TTC23L: variants seen among roughly 807,000 people sequenced by gnomAD.
The protein encoded by TTC23L is tetratricopeptide repeat domain 23 like.
Under a neutral mutation model 48.1 loss-of-function variants are expected in TTC23L, and 42 were observed. The ratio of observed to expected loss-of-function variants is 0.87; its 90% confidence interval spans 0.68 to 1.13. The LOEUF (loss-of-function observed/expected upper bound fraction) is 1.13. Among genes scored for constraint, TTC23L ranks in the 50% most tolerant of loss-of-function variants. TTC23L has a pLI of 0.00. For synonymous variants in TTC23L, 159 were observed against 157.2 expected (o/e 1.01, Z -0.09); for missense variants, 391 against 421.0 (o/e 0.93, Z 0.62).
intron 2 of TTC23L, among the ~76,000 whole-genome samples, chr5:34,841,182 T>G (rs1758638828): frequency 6.6e-6 from 1 of 152,196 alleles, no homozygotes; most frequent in Admixed American, 6.5e-5. Context: ...ATTTTAAAAG[T>G]TTTTAAAATA....
chr5:34,922,150 C>T, the TTC23L span: 1 of 864,986 alleles, frequency 1.2e-6, no homozygotes, highest in East Asian at 2.5e-5. Flanking sequence ...TGATATTAAT[C>T]ACATATAATT....
intron 1 of TTC23L, among the ~76,000 whole-genome samples, chr5:34,840,249 G>GA (rs1758529773): frequency 2.6e-5 from 3 of 117,008 alleles, no homozygotes; most frequent in Admixed American, 8.0e-5. Context: ...GGGGGGGGGG[G>GA]GAAAGCAGAA....
intron 9 of TTC23L, among the ~76,000 whole-genome samples, chr5:34,890,707 A>G (rs775026494): frequency 6.6e-6 from 1 of 152,272 alleles, no homozygotes; most frequent in South Asian, 2.1e-4. Flanking sequence ...TAGAATTTTA[A>G]TCTGGGTCTC....
the TTC23L span, chr5:34,911,510 G>A: frequency 6.3e-7 from 1 of 1,592,042 alleles, no homozygotes; most frequent in East Asian, 2.2e-5. Flanking sequence ...GTGGGAAGAT[G>A]GAGTACAGAC....
At chr5:34,911,872 T>A in the TTC23L span, 2 of 1,546,170 alleles carry the variant, frequency 1.3e-6, no homozygotes, top group Non-Finnish European at 8.8e-7. Context: ...CAGCTTCTCC[T>A]CGAAATGATA....
intron 6 of TTC23L, among the ~76,000 whole-genome samples, 200 bp downstream of exon 6, chr5:34,864,762 T>C (rs1385735856): frequency 6.6e-6 from 1 of 152,210 alleles, no homozygotes; most frequent in Admixed American, 6.5e-5. Context: ...AGGTAGTTGG[T>C]ATGATTATTA....
chr5:34,907,645 G>A, the TTC23L span: 7 of 152,188 alleles, frequency 4.6e-5, no homozygotes, highest in Non-Finnish European at 7.3e-5. Context: ...TAAGCAAATG[G>A]AAAGTAGTAA....
chr5:34,857,000 G>C (rs1187420521), intron 4 of TTC23L, among the ~76,000 whole-genome samples: 1 of 152,236 alleles, frequency 6.6e-6, no homozygotes, highest in Non-Finnish European at 1.5e-5. Context: ...GAAGGAGCCA[G>C]TTAGAAGAGA....
At chr5:34,887,771 G>A (rs1356248191) in intron 9 of TTC23L, among the ~76,000 whole-genome samples, 11 of 152,112 alleles carry the variant, frequency 7.2e-5, no homozygotes, top group Admixed American at 7.2e-4. Flanking sequence ...CCAAATAATT[G>A]TATGTATTTC....
intron 3 of TTC23L, among the ~76,000 whole-genome samples, chr5:34,847,015 C>T (rs1040459025): frequency 2.0e-5 from 3 of 151,982 alleles, no homozygotes; most frequent in African/African-American, 4.8e-5. Flanking sequence ...AGCAAGACGT[C>T]GACTCTCATT....
At chr5:34,909,114 C>T in the TTC23L span, 1 of 854,612 alleles carries the variant, frequency 1.2e-6, no homozygotes, top group Non-Finnish European at 1.8e-6. Context: ...CCCTACATCC[C>T]CTAGTAAGTC....
intron 4 of TTC23L, among the ~76,000 whole-genome samples, chr5:34,853,448 T>A (rs1292715509): frequency 2.0e-5 from 3 of 152,120 alleles, no homozygotes; most frequent in Admixed American, 6.5e-5. Context: ...GGAGAATTGC[T>A]TGAACCAGGA....
chr5:34,889,490 G>A (rs937861117), intron 9 of TTC23L, among the ~76,000 whole-genome samples: 2 of 152,146 alleles, frequency 1.3e-5, no homozygotes, highest in African/African-American at 2.4e-5. Context: ...TCATGCCATG[G>A]AGAATACATT....
chr5:34,899,974 C>T (rs1763457743), downstream of TTC23L, among the ~76,000 whole-genome samples: 1 of 152,164 alleles, frequency 6.6e-6, no homozygotes. Context: ...TAGTCACATG[C>T]TTTAAGTTAG....
In TTC23L at chr5:34,840,001, C is replaced by T. The variant is rs376920381; in HGVS notation, c.-7-664C>T. On this transcript the variant is annotated intron_variant, in intron 1 of 10. Coordinates refer to ENST00000505624, the Ensembl canonical transcript of TTC23L. ...CCGCCTCCCGGGTTCAAGCGATTCT[C>T]CTGCCTCAGCCTCCCGAGTAGCTGG... Among the ~76,000 whole-genome samples the T allele has an allele frequency of 2.0e-5, 3 of 152,340 alleles. No homozygotes were observed. The East Asian group carries it at 5.8e-4, about 29-fold the overall frequency.
At chr5:34,908,548 ATAATC>A in the TTC23L span, 1 of 441,498 alleles carries the variant, frequency 2.3e-6, no homozygotes, top group Admixed American at 3.9e-5. Context: ...ACAGTCCTGA[ATAATC>A]TATGACTACA....
the TTC23L span, chr5:34,913,742 C>A: frequency 1.7e-6 from 1 of 584,926 alleles, no homozygotes; most frequent in Non-Finnish European, 3.1e-6. Flanking sequence ...TCCTTTGAAG[C>A]ATCCTTATCT....
chr5:34,880,194 A>G (rs757083309), exon 9 of TTC23L: 3 of 1,611,426 alleles, frequency 1.9e-6, no homozygotes, highest in Non-Finnish European at 1.7e-6. Context: ...CTGTTGAGAT[A>G]TATTTCATAA....
At chr5:34,883,607 CAACAATT>C (rs1580477338) in intron 9 of TTC23L, 1 of 152,148 alleles carries the variant, frequency 6.6e-6, no homozygotes, top group East Asian at 1.9e-4. Context: ...GCTGATGCCA[CAACAATT>C]AAAAGGAATA....
Sources: gnomAD v4.1 joint callset for allele counts (sites outside exome capture counted in the v4.1 genomes callset) on GRCh38, gnomAD v4.1.1 for gene constraint, MANE v1.5 for transcripts, NCBI Gene and HGNC (gene_info 2026-07-23, HGNC 2026-07-21) for gene names.